Variants in MICAL3 observed in about 807,000 individuals in gnomAD.
MICAL3 encodes [F-actin]-monooxygenase MICAL3.
Under a neutral mutation model 207.4 loss-of-function variants are expected in MICAL3, and 62 were observed. The observed-to-expected ratio is 0.30, with a 90% CI of 0.24 to 0.37. MICAL3 has a LOEUF of 0.37. Ranked by LOEUF, MICAL3 falls within the 10% of genes least tolerant of loss-of-function variation. MICAL3 has a pLI of 1.00. For synonymous variants in MICAL3, 1,077 were observed against 1,069.3 expected, an observed-to-expected ratio of 1.01 and a Z score of -0.14; for missense variants, 2,368 against 2,635.6, an observed-to-expected ratio of 0.90 and a Z score of 2.22.
chr22:17,820,940 A>ATATTTATAAACATAAATTTTAATAAATT (rs1308522298), intron 25 of MICAL3, among the ~76,000 whole-genome samples: 32 of 141,554 alleles, frequency 2.3e-4, no homozygotes, highest in African/African-American at 8.7e-4. Flanking sequence ...TAATAAATTT[A>ATATTTATAAACATAAATTTTAATAAATT]TGTTTATAAA....
intron 27 of MICAL3, chr22:17,812,538 G>A: frequency 1.0e-6 from 1 of 985,824 alleles, no homozygotes; most frequent in Non-Finnish European, 1.2e-6. Context: ...GAATGCCAAG[G>A]CGTGTGGTAC....
At chr22:17,898,976 G>T (rs1211629787) in intron 7 of MICAL3, among the ~76,000 whole-genome samples, 1 of 152,168 alleles carries the variant, frequency 6.6e-6, no homozygotes, top group Non-Finnish European at 1.5e-5. Context: ...TTGCTTCTTG[G>T]TCAAACTCCT....
chr22:17,854,199 C>T (rs1028809266), intron 19 of MICAL3, among the ~76,000 whole-genome samples: 2 of 140,284 alleles, frequency 1.4e-5, no homozygotes. Flanking sequence ...TGTCTGGAGA[C>T]ATTTTCTGTT....
chr22:17,806,837 G>A (rs2061993993), intron 29 of MICAL3, among the ~76,000 whole-genome samples: 1 of 152,228 alleles, frequency 6.6e-6, no homozygotes, highest in Non-Finnish European at 1.5e-5. Context: ...CTAATGACTA[G>A]AAGAAATAAT....
At position 17,866,489 on chromosome 22, in the gene MICAL3, C is replaced by T. The variant is rs372293750; in HGVS notation, c.2429-477G>A. On this transcript the variant is annotated intron_variant, in intron 17 of 31. Transcript: ENST00000441493. ...CCCATCTCTGCTGCTCCCCCTCCCG[C>T]ACCCTATCTCTCACCCCCTCCCAGT... Among the ~76,000 whole-genome samples the T allele has an allele frequency of 3.9e-5, 6 of 152,328 alleles. No homozygotes were observed. In the East Asian group the frequency reaches 7.7e-4, roughly 20 times the overall value.
chr22:17,894,968 G>A (rs1249029426), intron 10 of MICAL3, among the ~76,000 whole-genome samples: 1 of 152,120 alleles, frequency 6.6e-6, no homozygotes, highest in Admixed American at 6.5e-5. Flanking sequence ...CAACACAGGT[G>A]GAAGTTACCT....
At chr22:17,879,055 A>C (rs1929167429) in intron 16 of MICAL3, among the ~76,000 whole-genome samples, 1 of 152,210 alleles carries the variant, frequency 6.6e-6, no homozygotes, top group South Asian at 2.1e-4. Context: ...ATGGTCTTGG[A>C]AGGGGAACAG....
chr22:17,936,611 AAG>A (rs1933544225), intron 1 of MICAL3, among the ~76,000 whole-genome samples: 1 of 151,554 alleles, frequency 6.6e-6, no homozygotes, highest in Non-Finnish European at 1.5e-5. Context: ...AGATAACAGA[AAG>A]AGTTTATATC....
chr22:17,853,913 C>A (rs865827641), intron 19 of MICAL3, among the ~76,000 whole-genome samples: 1 of 152,188 alleles, frequency 6.6e-6, no homozygotes, highest in South Asian at 2.1e-4. Context: ...GTACAGGGTC[C>A]CGACGTGTGA....
rs559604767 is a variant in MICAL3 at position 17,834,441 on chromosome 22, C to A, written c.2802-2334G>T. 3 of 1,285,298 alleles carry A rather than the reference C, an allele frequency of 2.3e-6. No individual in the cohort carries two copies. The South Asian group carries it at 3.7e-5, about 16-fold the overall frequency. 79.6% of individuals were successfully genotyped at this position (1,285,298 alleles called of 1,614,324 possible). On this transcript the variant is annotated intron_variant, in intron 20 of 31. Coordinates refer to ENST00000441493, the MANE Select transcript of MICAL3 (RefSeq NM_015241.3). The stretch of plus-strand genomic sequence containing the variant: ...GAAAAGACTCTTATGCTCAGCTGGG[C>A]CCAGTAGCTCACATCTGTGATCCCA...
chr22:17,927,651 T>C (rs993780018), intron 1 of MICAL3, among the ~76,000 whole-genome samples: 4 of 152,144 alleles, frequency 2.6e-5, no homozygotes, highest in African/African-American at 7.2e-5. Context: ...GCACAGTTTC[T>C]TTTCACAGCC....
intron 1 of MICAL3, among the ~76,000 whole-genome samples, chr22:17,932,149 G>A (rs10439897): frequency 0.012 from 1,837 of 152,266 alleles, 36 homozygotes; most frequent in African/African-American, 0.042. Context: ...TACTCCTTGA[G>A]AAGAGCAACC....
In MICAL3 at chr22:18,000,917, G is replaced by A. The variant is rs557409159; in HGVS notation, c.-75+23364C>T. ...GCAGGACCCGGCGGAGCCTCGGCCC[G>A]GAGCCTGCGGACTCCGGTAAAGACA... is the stretch of plus-strand genomic sequence containing the variant. On this transcript the variant is annotated intron_variant, in intron 1 of 31. Transcript: ENST00000441493. Among the ~76,000 whole-genome samples the A allele has an allele frequency of 2.5e-4, 38 of 152,252 alleles. No homozygotes were observed. The East Asian group carries it at 6.0e-3, about 24-fold the overall frequency.
rs2061811388 is a variant in MICAL3, at chr22:17,789,852, C to T, written c.*880G>A. On this transcript the variant is annotated 3_prime_UTR_variant, in exon 32 of 32. Coordinates refer to ENST00000441493, the MANE Select transcript of MICAL3 (RefSeq NM_015241.3). ...AATTGACAAAAAGGGTTTGAAGCGG[C>T]TGAGCGTCTTGCCAGGTTGTCAGCT... is the stretch of plus-strand genomic sequence containing the variant. 1.3e-5 allele frequency: 2 copies of T among 152,238 alleles called. No individual in the cohort carries two copies. Among genetic ancestry groups the T allele is most frequent in the African/African-American group, 2.4e-5 (1 of 41,460 alleles). The allele number at this position is 152,238 out of a possible 1,614,324, so 9.4% of individuals were successfully genotyped here. A position where few individuals can be genotyped will look rare whatever the true frequency, so the allele number is the denominator to read the frequency against.
intron 1 of MICAL3, among the ~76,000 whole-genome samples, chr22:17,971,470 A>T (rs1190467311): frequency 6.6e-6 from 1 of 152,116 alleles, no homozygotes; most frequent in Non-Finnish European, 1.5e-5. Context: ...ACAGTGCAAG[A>T]CTCCATGTCA....
chr22:17,931,853 A>G (rs1307856200), intron 1 of MICAL3, among the ~76,000 whole-genome samples: 1 of 152,202 alleles, frequency 6.6e-6, no homozygotes, highest in Non-Finnish European at 1.5e-5. Flanking sequence ...GCAGAGACCC[A>G]TGTGTCTTGC....
chr22:17,834,385 T>C lies in MICAL3; in HGVS notation c.2802-2278A>G, dbSNP rs945512478. The C allele has an allele frequency of 3.2e-6, 4 of 1,259,676 alleles. No individual in the cohort carries two copies. The South Asian group carries it at 4.0e-5, about 12-fold the overall frequency. The allele number at this position is 1,259,676 out of a possible 1,614,324, so 78.0% of individuals were successfully genotyped here. A position where few individuals can be genotyped will look rare whatever the true frequency, so the allele number is the denominator to read the frequency against. The stretch of plus-strand genomic sequence containing the variant: ...TATCTTCCCCTCACAACGCACTTGC[T>C]AGACACTGTAGGGAACACAAAGGTG... On this transcript the variant is annotated intron_variant, in intron 20 of 31. Transcript: ENST00000441493.
Position 17,817,306 on chromosome 22 carries a change from C to T in MICAL3, c.5350+5G>A, listed in dbSNP as rs1455973278. 4 of 1,584,760 alleles carry T rather than the reference C, an allele frequency of 2.5e-6. No individual in the cohort carries two copies. Among genetic ancestry groups the T allele is most frequent in the South Asian group, 2.3e-5 (2 of 87,948 alleles). On this transcript the variant is annotated splice_donor_5th_base_variant and intron_variant, in intron 26 of 31. Coordinates refer to ENST00000441493, the MANE Select transcript of MICAL3 (RefSeq NM_015241.3). ...GCCTGCACGCGGACCCGGCTGCTGA[C>T]GCACCTGCCCTTACGACGGGAAGCA...
At position 17,973,363 on chromosome 22, in the gene MICAL3, G is replaced by A. The variant is rs1417284197; in HGVS notation, c.-75+50918C>T. Among the ~76,000 whole-genome samples, 3 of 152,214 alleles carry A rather than the reference G, an allele frequency of 2.0e-5. No homozygotes were observed. In the East Asian group the frequency reaches 5.8e-4, roughly 29 times the overall value. ...TTTCTACCAGTCTGAAATCTGATAA[G>A]AGACTTACTTCTGTAGGGTATGTAA... On this transcript the variant is annotated intron_variant, in intron 1 of 31. Coordinates refer to ENST00000441493, the MANE Select transcript of MICAL3 (RefSeq NM_015241.3).
Sources: gnomAD v4.1 joint callset for allele counts (sites outside exome capture counted in the v4.1 genomes callset) on GRCh38, gnomAD v4.1.1 for gene constraint, MANE v1.5 for transcripts, NCBI Gene and HGNC (gene_info 2026-07-23, HGNC 2026-07-21) for gene names.